Variants in EHD4 observed in about 807,000 individuals in gnomAD.
EHD4 encodes the protein EH domain containing 4.
EHD4 carries 37 observed loss-of-function variants against 51.0 expected under a neutral mutation model. That is an observed-to-expected ratio of 0.73 (90% CI 0.56 to 0.95). EHD4 has a LOEUF of 0.95. Among genes scored for constraint, EHD4 ranks in the 40% least tolerant of loss-of-function variants. The pLI, the probability that EHD4 is intolerant of heterozygous loss-of-function variation, is 0.00. For synonymous variants in EHD4, 297 were observed against 317.3 expected, an observed-to-expected ratio of 0.94 and a Z score of 0.68; for missense variants, 632 against 733.1, an observed-to-expected ratio of 0.86 and a Z score of 1.59.
chr15:41,943,198 C>G, intron 2 of EHD4, 34 bp from the exon 3 acceptor site: 1 of 1,530,026 alleles, frequency 6.5e-7, no homozygotes, highest in Non-Finnish European at 8.9e-7. Flanking sequence ...GGGTCAGAAA[C>G]TGGGCATCAC....
chr15:41,967,915 A>G (rs1350203328), intron 1 of EHD4, among the ~76,000 whole-genome samples: 1 of 152,116 alleles, frequency 6.6e-6, no homozygotes, highest in Non-Finnish European at 1.5e-5. Flanking sequence ...GATTTCCTGA[A>G]CCTCGCCTGT....
At chr15:41,933,905 C>G (rs1008402771) in intron 3 of EHD4, among the ~76,000 whole-genome samples, 1 of 152,174 alleles carries the variant, frequency 6.6e-6, no homozygotes, top group Non-Finnish European at 1.5e-5. Context: ...TCACGCCCTC[C>G]CTGTCAGACG....
At chr15:41,968,921 G>A (rs1433844067) in intron 1 of EHD4, among the ~76,000 whole-genome samples, 4 of 152,052 alleles carry the variant, frequency 2.6e-5, no homozygotes, top group Non-Finnish European at 5.9e-5. Flanking sequence ...GAAACTCCAC[G>A]CCCACTAACA....
intron 2 of EHD4, 134 bp from the exon 3 acceptor site, chr15:41,943,298 G>A: frequency 4.8e-6 from 3 of 625,160 alleles, no homozygotes; most frequent in Non-Finnish European, 8.2e-6. Flanking sequence ...AGAAACTGAG[G>A]ATGCCTAATG....
At position 41,943,095 on chromosome 15, in the gene EHD4, A is replaced by C. The variant is rs1451575000; in HGVS notation, c.483T>G (p.Leu161=). Residue 161 remains leucine, a synonymous_variant, in exon 3 of 6, where the codon CTT becomes CTG. Transcript: ENST00000220325. ...SISVIDSPGI[L]SGEKQRISRG... ...GGCTGATGCGCTGCTTCTCCCCAGAAAGGATGCCGGGGCTGTCGATGACGC... is the reference window on the plus strand; with the variant it reads ...GGCTGATGCGCTGCTTCTCCCCAGACAGGATGCCGGGGCTGTCGATGACGC... The C allele has an allele frequency of 6.3e-7, 1 of 1,586,882 alleles. No individual in the cohort carries two copies. Among genetic ancestry groups the C allele is most frequent in the Admixed American group, 1.8e-5 (1 of 55,528 alleles).
chr15:41,903,352 T>G (rs1439591710), intron 5 of EHD4, among the ~76,000 whole-genome samples: 1 of 122,822 alleles, frequency 8.1e-6, no homozygotes, highest in Non-Finnish European at 1.8e-5. Context: ...CAGAAAAAAC[T>G]GGTAAGCAAA....
intron 4 of EHD4, among the ~76,000 whole-genome samples, chr15:41,910,302 AC>A (rs2067540923): frequency 1.3e-5 from 2 of 152,034 alleles, no homozygotes; most frequent in South Asian, 4.2e-4. Flanking sequence ...AATCCCCATA[AC>A]CCCCCTGTTA....
intron 2 of EHD4, among the ~76,000 whole-genome samples, chr15:41,946,681 G>A (rs1175257926): frequency 6.6e-6 from 1 of 152,200 alleles, no homozygotes; most frequent in Admixed American, 6.5e-5. Flanking sequence ...AGCTTTGATG[G>A]TGCCAGTGCA....
intron 5 of EHD4, among the ~76,000 whole-genome samples, chr15:41,903,264 A>T (rs1234007208): frequency 6.8e-6 from 1 of 147,526 alleles, no homozygotes; most frequent in Non-Finnish European, 1.5e-5. Context: ...GACAGAAGCA[A>T]TGTGACAGGC....
rs138055245 is a variant in EHD4, at chr15:41,942,154, A to T, written c.511+913T>A. The T allele has an allele frequency of 2.0e-5, 3 of 151,944 alleles. No homozygotes were observed. The East Asian group carries it at 5.8e-4, about 29-fold the overall frequency. The allele number at this position is 151,944 out of a possible 1,614,324, so 9.4% of individuals were successfully genotyped here. A position where few individuals can be genotyped will look rare whatever the true frequency, so the allele number is the denominator to read the frequency against. ...CCCATCCTGACCCTCCCGATCAGGC[A>T]TTTCCTCTCCGTAAGTCAACTCTGT... On this transcript the variant is annotated intron_variant, in intron 3 of 5. Coordinates refer to ENST00000220325, the MANE Select transcript of EHD4 (RefSeq NM_139265.4).
intron 4 of EHD4, among the ~76,000 whole-genome samples, chr15:41,912,802 T>C (rs1414216038): frequency 6.6e-6 from 1 of 152,198 alleles, no homozygotes; most frequent in Admixed American, 6.5e-5. Context: ...AATTCCTGGT[T>C]CCAGGACATC....
chr15:41,954,786 T>C (rs2067876071), intron 1 of EHD4, among the ~76,000 whole-genome samples: 1 of 152,040 alleles, frequency 6.6e-6, no homozygotes, highest in Non-Finnish European at 1.5e-5. Flanking sequence ...TACAGACACA[T>C]GCCACCATGC....
intron 1 of EHD4, among the ~76,000 whole-genome samples, chr15:41,965,021 C>T (rs989525416): frequency 6.6e-6 from 1 of 152,066 alleles, no homozygotes; most frequent in South Asian, 2.1e-4. Context: ...ATTTGTCCAC[C>T]TTGGCCTCCC....
chr15:41,964,144 C>CAAAAAAA (rs755699829), intron 1 of EHD4, among the ~76,000 whole-genome samples: 5 of 26,552 alleles, frequency 1.9e-4, no homozygotes, highest in Admixed American at 1.7e-3. Context: ...GACTCCATCT[C>CAAAAAAA]AAAAAAAAAA....
intron 2 of EHD4, among the ~76,000 whole-genome samples, chr15:41,951,573 G>T (rs1391475982): frequency 6.6e-6 from 1 of 152,090 alleles, no homozygotes; most frequent in Admixed American, 6.5e-5. Flanking sequence ...TTCACAAAGT[G>T]GGAATTTGAA....
chr15:41,951,425 T>C (rs1316330863), intron 2 of EHD4, among the ~76,000 whole-genome samples: 2 of 152,238 alleles, frequency 1.3e-5, no homozygotes, highest in African/African-American at 4.8e-5. Context: ...AAAAATTTCT[T>C]TTCTGTACTC....
intron 1 of EHD4, among the ~76,000 whole-genome samples, chr15:41,970,106 C>A (rs144377978): frequency 1.3e-5 from 2 of 152,288 alleles, no homozygotes; most frequent in East Asian, 1.9e-4. Context: ...ATATTTAATT[C>A]CAAGTTCACA....
intron 4 of EHD4, among the ~76,000 whole-genome samples, chr15:41,912,873 A>G (rs1310185900): frequency 6.6e-6 from 1 of 152,142 alleles, no homozygotes; most frequent in Non-Finnish European, 1.5e-5. Context: ...ACTAGCATCC[A>G]AGTGCCTCGT....
chr15:41,919,207 T>C lies in EHD4; in HGVS notation c.924+3A>G, dbSNP rs202010701. 14 of 1,613,668 alleles carry C rather than the reference T, an allele frequency of 8.7e-6. No individual in the cohort carries two copies. In the East Asian group the frequency reaches 2.5e-4, roughly 28 times the overall value. ...CCTCTGTGCAAGGCATCTCCTGGCT[T>C]ACCTTGGCCAGCCTCGCTCGCTTGA... is the stretch of plus-strand genomic sequence containing the variant. On this transcript the variant is annotated splice_donor_region_variant and intron_variant, in intron 4 of 5. Transcript: ENST00000220325.
Sources: gnomAD v4.1 joint callset for allele counts (sites outside exome capture counted in the v4.1 genomes callset) on GRCh38, gnomAD v4.1.1 for gene constraint, MANE v1.5 for transcripts, NCBI Gene and HGNC (gene_info 2026-07-23, HGNC 2026-07-21) for gene names.